The following RPS3A variants were observed in gnomAD, a reference collection of about 807,000 sequenced individuals.
RPS3A encodes the protein small ribosomal subunit protein eS1.
Under a neutral mutation model 26.4 loss-of-function variants are expected in RPS3A, and 1 was observed. That is an observed-to-expected ratio of 0.04 (90% CI 0.01 to 0.18). The LOEUF (loss-of-function observed/expected upper bound fraction) is 0.18. RPS3A is among the 10% of genes least tolerant of loss of function. The pLI is 1.00. For synonymous variants in RPS3A, 97 were observed against 106.1 expected (o/e 0.91, Z 0.53); for missense variants, 139 against 326.8 (o/e 0.43, Z 4.43).
At position 151,100,351 on chromosome 4, in the gene RPS3A, C is replaced by T. The variant is rs543103441; in HGVS notation, c.63-134C>T. 6.6e-6 allele frequency: 4 copies of T among 606,466 alleles called. No individual in the cohort carries two copies. In the Admixed American group the frequency reaches 8.6e-5, roughly 13 times the overall value. 37.6% of individuals were successfully genotyped at this position (606,466 alleles called of 1,614,324 possible). On this transcript the variant is annotated intron_variant, in intron 1 of 5. Coordinates refer to ENST00000274065, the MANE Select transcript of RPS3A (RefSeq NM_001006.5). ...GCTAGATTTATGTTTGTTCCCCTCACCTCACTGTGAGATATACTTTGGTAT... is the reference window on the plus strand; with the variant it reads ...GCTAGATTTATGTTTGTTCCCCTCATCTCACTGTGAGATATACTTTGGTAT...
chr4:151,104,439 G>GGTTTTTTT, intron 5 of RPS3A, 33 bp from the exon 6 acceptor site: 1 of 710,330 alleles, frequency 1.4e-6, no homozygotes, highest in South Asian at 2.3e-5. Flanking sequence ...CAGTTTTTTG[G>GGTTTTTTT]TTTTTTTTTT....
chr4:151,104,088 T>G, intron 4 of RPS3A, 89 bp from the exon 5 acceptor site: 1 of 1,518,786 alleles, frequency 6.6e-7, no homozygotes, highest in East Asian at 2.3e-5. Context: ...TGTGTAGGTT[T>G]ATTCCAAGGC....
At chr4:151,100,891 A>T in intron 2 of RPS3A, 84 bp from the exon 3 acceptor site, 2 of 920,184 alleles carry the variant, frequency 2.2e-6, no homozygotes, top group Admixed American at 2.3e-5. Flanking sequence ...TTTACCATTA[A>T]CTTAATTTCT....
chr4:151,103,959 C>T, intron 4 of RPS3A: 5 of 1,521,210 alleles, frequency 3.3e-6, no homozygotes, highest in South Asian at 1.2e-5. Flanking sequence ...TCAGAAGACT[C>T]TACTAACTTT....
intron 4 of RPS3A, 89 bp downstream of exon 4, chr4:151,103,168 G>T (rs1437392136): frequency 7.8e-5 from 117 of 1,496,730 alleles, no homozygotes; most frequent in Non-Finnish European, 1.0e-4. Context: ...CAAGGTAAAG[G>T]TCTGTTGAAA....
At chr4:151,101,188 G>T (rs1282560593) in intron 3 of RPS3A, 26 bp downstream of exon 3, 7 of 1,513,854 alleles carry the variant, frequency 4.6e-6, no homozygotes, top group Non-Finnish European at 5.5e-6. Context: ...CCTTAGAGTG[G>T]TTGTGCTATG....
At position 151,103,771 on chromosome 4, in the gene RPS3A, C is replaced by T. The variant is rs1311830369; in HGVS notation, c.564-406C>T. On this transcript the variant is annotated intron_variant, in intron 4 of 5. Transcript: ENST00000274065. ...AAATATACGTATATATATATACACA[C>T]ACAAAGAAAAAATACACTGAATAGA... is the stretch of plus-strand genomic sequence containing the variant. The T allele has an allele frequency of 5.3e-6, 7 of 1,321,074 alleles. No individual in the cohort carries two copies. The South Asian group carries it at 7.1e-5, about 13-fold the overall frequency. 81.8% of individuals were successfully genotyped at this position (1,321,074 alleles called of 1,614,324 possible). A position where few individuals can be genotyped will look rare whatever the true frequency, so the allele number is the denominator to read the frequency against.
At chr4:151,102,118 A>G (rs753860714) in intron 3 of RPS3A, 5 of 516,044 alleles carry the variant, frequency 9.7e-6, no homozygotes, top group Admixed American at 5.9e-5. Flanking sequence ...CATTATATTT[A>G]TCCTGACATT....
intron 3 of RPS3A, 95 bp from the exon 4 acceptor site, chr4:151,102,776 T>A: frequency 1.6e-6 from 2 of 1,285,990 alleles, no homozygotes; most frequent in Non-Finnish European, 2.1e-6. Flanking sequence ...TATTTAATAA[T>A]GAGTGTTTGA....
rs928259685 is a variant in RPS3A, at chr4:151,101,281, C to G, written c.354+119C>G. On this transcript the variant is annotated intron_variant, in intron 3 of 5. Coordinates refer to ENST00000274065, the MANE Select transcript of RPS3A (RefSeq NM_001006.5). The stretch of plus-strand genomic sequence containing the variant: ...TATTTATTGAGACCAGTGAAATGTC[C>G]ACAAAGTTCATTTTAAATTTTTGTT... 2.3e-5 allele frequency: 13 copies of G among 571,818 alleles called. No homozygotes were observed. The African/African-American group carries it at 2.5e-4, about 11-fold the overall frequency. 35.4% of individuals were successfully genotyped at this position (571,818 alleles called of 1,614,324 possible).
intron 4 of RPS3A, chr4:151,103,855 AGAT>A (rs1343867822): frequency 7.1e-7 from 1 of 1,401,598 alleles, no homozygotes; most frequent in African/African-American, 1.4e-5. Flanking sequence ...TTTCGGTCCC[AGAT>A]GATGGCCAGT....
At chr4:151,100,303 C>T (rs1358894737) in intron 1 of RPS3A, 182 bp from the exon 2 acceptor site, 2 of 572,266 alleles carry the variant, frequency 3.5e-6, no homozygotes, top group Non-Finnish European at 6.2e-6. Flanking sequence ...CTGATGCATG[C>T]AGTGAAACGT....
intron 2 of RPS3A, 89 bp from the exon 3 acceptor site, chr4:151,100,886 C>A (rs766094167): frequency 5.7e-6 from 5 of 874,334 alleles, no homozygotes; most frequent in South Asian, 5.2e-5. Flanking sequence ...TATAATTTAC[C>A]ATTAACTTAA....
chr4:151,104,101 C>G lies in RPS3A; in HGVS notation c.564-76C>G. ...TATGTGTAGGTTTATTCCAAGGCTT[C>G]TCTACTTTTAAAGGAAATGGCTTAT... On this transcript the variant is annotated intron_variant, in intron 4 of 5. Coordinates refer to ENST00000274065, the MANE Select transcript of RPS3A (RefSeq NM_001006.5). 4 of 1,495,706 alleles carry G rather than the reference C, an allele frequency of 2.7e-6. 1 individual carries two copies. The South Asian group carries it at 5.2e-5, about 19-fold the overall frequency. 92.7% of individuals were successfully genotyped at this position (1,495,706 alleles called of 1,614,324 possible). A position where few individuals can be genotyped will look rare whatever the true frequency, so the allele number is the denominator to read the frequency against.
chr4:151,101,921 CAG>C (rs943883807), intron 3 of RPS3A: 2 of 347,412 alleles, frequency 5.8e-6, no homozygotes, highest in African/African-American at 4.6e-5. Flanking sequence ...TTAGTAGAGA[CAG>C]GGTTTCACCA....
At chr4:151,101,596 G>A (rs934327755) in intron 3 of RPS3A, among the ~76,000 whole-genome samples, 3 of 152,146 alleles carry the variant, frequency 2.0e-5, no homozygotes, top group African/African-American at 7.2e-5. Context: ...TTGTGTTCTC[G>A]TTGGAAAGTA....
intron 1 of RPS3A, 198 bp downstream of exon 1, chr4:151,099,912 T>C: frequency 1.7e-6 from 1 of 588,984 alleles, no homozygotes; most frequent in Non-Finnish European, 3.2e-6. Context: ...CCAGGCCTTC[T>C]GGTCCTTGCG....
At chr4:151,104,431 G>GT (rs1747272946) in intron 5 of RPS3A, 41 bp from the exon 6 acceptor site, 3 of 601,292 alleles carry the variant, frequency 5.0e-6, no homozygotes, top group African/African-American at 3.1e-5. Context: ...TATACTAACA[G>GT]TTTTTTGGTT....
rs545553058 is a variant in RPS3A, at chr4:151,103,622, T to A, written c.563+543T>A. 2.4e-5 allele frequency: 26 copies of A among 1,064,394 alleles called. No individual in the cohort carries two copies. The Middle Eastern group carries it at 1.4e-3, about 58-fold the overall frequency. The allele number at this position is 1,064,394 out of a possible 1,614,324, so 65.9% of individuals were successfully genotyped here. A position where few individuals can be genotyped will look rare whatever the true frequency, so the allele number is the denominator to read the frequency against. ...CTACTTGGAAAATACACTGAATAAG[T>A]TGAGTGGGGTGGGATGTGCCTGGAG... On this transcript the variant is annotated intron_variant, in intron 4 of 5. Coordinates refer to ENST00000274065, the MANE Select transcript of RPS3A (RefSeq NM_001006.5).
Sources: gnomAD v4.1 joint callset for allele counts (sites outside exome capture counted in the v4.1 genomes callset) on GRCh38, gnomAD v4.1.1 for gene constraint, MANE v1.5 for transcripts, NCBI Gene and HGNC (gene_info 2026-07-23, HGNC 2026-07-21) for gene names.